Variants in USP43 observed in about 807,000 individuals in gnomAD.
USP43 encodes ubiquitin carboxyl-terminal hydrolase 43.
In USP43, 33 loss-of-function variants were observed where a neutral mutation model predicts 90.7. The ratio of observed to expected loss-of-function variants is 0.36; its 90% CI spans 0.28 to 0.49. The LOEUF (loss-of-function observed/expected upper bound fraction) is 0.49, where lower values mean the gene tolerates loss of function less well. Ranked by LOEUF, USP43 falls within the 20% of genes least tolerant of loss-of-function variation. The pLI is 0.98. For missense variants in USP43, 1,274 were observed against 1,476.4 expected (o/e 0.86, Z 2.25); for synonymous variants, 598 against 615.8 (o/e 0.97, Z 0.43).
chr17:9,675,484 C>G (rs1031377661), intron 4 of USP43, among the ~76,000 whole-genome samples: 1 of 152,124 alleles, frequency 6.6e-6, no homozygotes, highest in Admixed American at 6.5e-5. Flanking sequence ...GGGCCGAGTT[C>G]TATAAAAATA....
At chr17:9,649,373 A>T (rs560174272) in intron 1 of USP43, among the ~76,000 whole-genome samples, 1 of 151,994 alleles carries the variant, frequency 6.6e-6, no homozygotes, top group South Asian at 2.1e-4. Flanking sequence ...TCTTTTTTTT[A>T]AATTTTATAT....
chr17:9,689,448 G>A (rs1383215618), intron 8 of USP43, among the ~76,000 whole-genome samples: 3 of 151,126 alleles, frequency 2.0e-5, no homozygotes, highest in Non-Finnish European at 4.4e-5. Flanking sequence ...GTCCCACTCT[G>A]TTGGCCAGGC....
At position 9,709,943 on chromosome 17, in the gene USP43, G is replaced by A; in HGVS notation, c.2012-13G>A. On this transcript the variant is annotated splice_polypyrimidine_tract_variant and intron_variant, in intron 12 of 14. Coordinates refer to ENST00000285199, the MANE Select transcript of USP43 (RefSeq NM_153210.5). This position sits in a 1 kb window ranked among gnomAD's most constrained non-coding sequence, Gnocchi z 5.0. ...GCTCCAATAACTCAGACTTGGGGAT[G>A]GGACCTTTGCAGCCTACTGCCGGAA... 7.1e-7 allele frequency: 1 copy of A among 1,413,862 alleles called. No homozygotes were observed. Among genetic ancestry groups the A allele is most frequent in the Non-Finnish European group, 9.3e-7 (1 of 1,075,266 alleles). The allele number at this position is 1,413,862 out of a possible 1,614,324, so 87.6% of individuals were successfully genotyped here.
intron 13 of USP43, among the ~76,000 whole-genome samples, chr17:9,711,010 C>T (rs1916161928): frequency 6.6e-6 from 1 of 151,582 alleles, no homozygotes; most frequent in South Asian, 2.1e-4. Flanking sequence ...CAGGTCTAAA[C>T]CAATCCTAAC....
Position 9,674,508 on chromosome 17 carries a change from C to T in USP43, c.741-383C>T, listed in dbSNP as rs113461889. On this transcript the variant is annotated intron_variant, in intron 3 of 14. Transcript: ENST00000285199. This position sits in a 1 kb window ranked among gnomAD's most constrained non-coding sequence, Gnocchi z 4.4. ...ACCTGTTCTGGATACTTCATATAAA[C>T]GGGATCGTACAATATGTGGGCTTTC... Among the ~76,000 whole-genome samples, 1,203 of 152,286 alleles carry T rather than the reference C, an allele frequency of 7.9e-3. 21 individuals are homozygous for T. The highest frequency in any genetic ancestry group is 0.027 in the African/African-American group (1,139 of 41,574).
intron 1 of USP43, among the ~76,000 whole-genome samples, chr17:9,655,326 G>C (rs1912165096): frequency 1.3e-5 from 2 of 152,194 alleles, no homozygotes; most frequent in African/African-American, 4.8e-5. Flanking sequence ...CTTACACCCA[G>C]ATGCCCACAT....
At position 9,728,536 on chromosome 17, in the gene USP43, G is replaced by T; in HGVS notation, c.2918G>T (p.Gly973Val). ...AGCAGCCCACCCTCCCCCTATATGG[G>T]ATTCTCTGGAAACAGCAAAGACAGT... Reference protein sequence around the residue: ...SKSSPPSPYMGFSGNSKDSRR... With the variant: ...SKSSPPSPYMVFSGNSKDSRR... The change falls in exon 15 of 15, where the codon GGA becomes GTA. Residue 973 changes from glycine (G) to valine (V), a missense_variant. Gly to Val is a moderately radical substitution (Grantham distance 109, BLOSUM62 -3). This residue lies in a region of USP43 where 353 missense variants were observed against 329.7 expected (regional missense o/e 1.07). Coordinates refer to ENST00000285199, the MANE Select transcript of USP43 (RefSeq NM_153210.5). The surrounding 1 kb of genome is among the most constrained non-coding windows in gnomAD (Gnocchi z 6.2). 1 of 1,613,980 alleles carries T rather than the reference G, an allele frequency of 6.2e-7. No homozygotes were observed. The highest frequency in any genetic ancestry group is 8.5e-7 in the Non-Finnish European group (1 of 1,179,900).
At position 9,695,253 on chromosome 17, in the gene USP43, C is replaced by T. The variant is rs149338798; in HGVS notation, c.1457+2023C>T. 3.9e-5 allele frequency among the ~76,000 whole-genome samples: 6 copies of T among 152,268 alleles called. No homozygotes were observed. The East Asian group carries it at 1.2e-3, about 29-fold the overall frequency. ...CAGGGCTCTCTATTTAGCCCTTGCCCTGCCTCTTCCATGCCTATCCCAACA... is the reference window on the plus strand; with the variant it reads ...CAGGGCTCTCTATTTAGCCCTTGCCTTGCCTCTTCCATGCCTATCCCAACA... On this transcript the variant is annotated intron_variant, in intron 9 of 14. Transcript: ENST00000285199.
Position 9,645,965 on chromosome 17 carries a change from C to A in USP43, c.333C>A (p.Phe111Leu). The change falls in exon 1 of 15, where the codon TTC becomes TTA. Residue 111 changes from phenylalanine to leucine, a missense_variant. Physicochemically the swap from Phe to Leu is conservative, Grantham distance 22. Transcript: ENST00000285199. This position sits in a 1 kb window ranked among gnomAD's most constrained non-coding sequence, Gnocchi z 6.8. ...QGLKNHGNTC[F>L]MNAVVQCLSN... ...TGAAGAACCACGGCAACACCTGTTT[C>A]ATGAACGCGGTGGTGCAGTGTCTCA... The A allele has an allele frequency of 6.8e-7, 1 of 1,475,946 alleles. No individual in the cohort carries two copies. Among genetic ancestry groups the A allele is most frequent in the South Asian group, 1.3e-5 (1 of 74,392 alleles). 91.4% of individuals were successfully genotyped at this position (1,475,946 alleles called of 1,614,324 possible). A position where few individuals can be genotyped will look rare whatever the true frequency, so the allele number is the denominator to read the frequency against.
At chr17:9,659,103 CA>C (rs1328519239) in intron 2 of USP43, among the ~76,000 whole-genome samples, 3 of 152,078 alleles carry the variant, frequency 2.0e-5, no homozygotes, top group African/African-American at 7.2e-5. Context: ...TTTGCTTCCC[CA>C]AAGAAAGGAA....
intron 2 of USP43, among the ~76,000 whole-genome samples, chr17:9,660,686 C>G (rs897567548): frequency 3.3e-5 from 5 of 152,212 alleles, no homozygotes. Context: ...GCCCCTCGCT[C>G]CCTGGCCTTG....
At chr17:9,661,379 C>T (rs1003035998) in intron 2 of USP43, among the ~76,000 whole-genome samples, 2 of 151,964 alleles carry the variant, frequency 1.3e-5, no homozygotes, top group African/African-American at 2.4e-5. Context: ...TTTTTTGAGA[C>T]AGGGCCTCAC....
At chr17:9,695,088 C>T (rs1172479725) in intron 9 of USP43, among the ~76,000 whole-genome samples, 2 of 152,030 alleles carry the variant, frequency 1.3e-5, no homozygotes, top group Non-Finnish European at 2.9e-5. Context: ...CCTCCTGGCC[C>T]GCACCTTCCA....
rs1185933078 is a variant in USP43, at chr17:9,682,805, T to C, written c.1106-18T>C. 11 of 1,612,394 alleles carry C rather than the reference T, an allele frequency of 6.8e-6. No homozygotes were observed. Among genetic ancestry groups the C allele is most frequent in the Non-Finnish European group, 9.3e-6 (11 of 1,178,944 alleles). On this transcript the variant is annotated intron_variant, in intron 6 of 14. Transcript: ENST00000285199. Reference sequence around the variant, plus strand: ...GCTCCTTTAGGAATATGAACAAATGTCATTCTCTCCCTTCTAGCTCATCCA... The same window carrying C: ...GCTCCTTTAGGAATATGAACAAATGCCATTCTCTCCCTTCTAGCTCATCCA...
chr17:9,654,958 G>T (rs1317130478), intron 1 of USP43, among the ~76,000 whole-genome samples: 2 of 151,606 alleles, frequency 1.3e-5, no homozygotes, highest in Non-Finnish European at 2.9e-5. Context: ...GGCTGGTGTC[G>T]AACTCCTGAC....
intron 12 of USP43, among the ~76,000 whole-genome samples, chr17:9,705,423 A>T (rs1915813358): frequency 1.3e-5 from 2 of 152,134 alleles, no homozygotes; most frequent in South Asian, 4.1e-4. Flanking sequence ...AATACTCTGT[A>T]GATGGACATT....
intron 3 of USP43, chr17:9,669,653 A>T (rs1218676940): frequency 2.0e-5 from 3 of 152,268 alleles, no homozygotes; most frequent in African/African-American, 7.2e-5. Flanking sequence ...ATAAGGAAGC[A>T]CTTGGGAGGC....
intron 1 of USP43, chr17:9,647,797 G>C (rs1165103606): frequency 6.8e-6 from 1 of 146,594 alleles, no homozygotes; most frequent in Admixed American, 7.0e-5. Flanking sequence ...GAGGTCAGGA[G>C]AGCGAGACCA....
In USP43 at chr17:9,652,058, A is replaced by G. The variant is rs568872535; in HGVS notation, c.505-4345A>G. On this transcript the variant is annotated intron_variant, in intron 1 of 14. Coordinates refer to ENST00000285199, the MANE Select transcript of USP43 (RefSeq NM_153210.5). The stretch of plus-strand genomic sequence containing the variant: ...TGTTTGGGAAATAAAACATACATAC[A>G]GGTAGAGTTATGCCATGTTGAAGGA... Among the ~76,000 whole-genome samples the G allele has an allele frequency of 4.2e-3, 639 of 152,134 alleles. 4 individuals carry two copies. Among genetic ancestry groups the G allele is most frequent in the Middle Eastern group, 0.01 (3 of 294 alleles).
Sources: gnomAD v4.1 joint callset for allele counts (sites outside exome capture counted in the v4.1 genomes callset) on GRCh38, gnomAD v4.1.1 for gene constraint, gnomAD v4.1.1 regional missense constraint, Gnocchi (gnomAD v3.1) non-coding constraint, MANE v1.5 for transcripts, NCBI Gene and HGNC (gene_info 2026-07-23, HGNC 2026-07-21) for gene names.